N4BP1: variants seen among roughly 807,000 people sequenced by gnomAD.
N4BP1 encodes the protein NEDD4-binding protein 1.
N4BP1 carries 21 observed loss-of-function variants against 70.9 expected under a neutral mutation model. The observed-to-expected ratio is 0.30, with a 90% CI of 0.21 to 0.43. The LOEUF is 0.43. Ranked by LOEUF, N4BP1 falls within the 20% of genes least tolerant of loss-of-function variation. The pLI is 1.00. For missense variants in N4BP1, 936 were observed against 1,069.4 expected, an observed-to-expected ratio of 0.88 and a Z score of 1.74; for synonymous variants, 387 against 394.6, an observed-to-expected ratio of 0.98 and a Z score of 0.23.
chr16:48,589,938 T>TAAC (rs1334536209), intron 1 of N4BP1, among the ~76,000 whole-genome samples: 1 of 152,124 alleles, frequency 6.6e-6, no homozygotes, highest in African/African-American at 2.4e-5. Context: ...ACAAAACTGG[T>TAAC]AACAGCCCTT....
chr16:48,607,775 G>A (rs1035496187), intron 1 of N4BP1, among the ~76,000 whole-genome samples: 1 of 152,238 alleles, frequency 6.6e-6, no homozygotes, highest in Non-Finnish European at 1.5e-5. Flanking sequence ...ATGCGCCTTA[G>A]ACCAGCTGTC....
At chr16:48,596,132 T>C (rs577352046) in intron 1 of N4BP1, among the ~76,000 whole-genome samples, 1 of 152,330 alleles carries the variant, frequency 6.6e-6, no homozygotes, top group South Asian at 2.1e-4. Flanking sequence ...TTAATAAAAA[T>C]AAGGACTAGG....
chr16:48,546,538 A>G (rs978579431), intron 5 of N4BP1: 14 of 278,198 alleles, frequency 5.0e-5, no homozygotes, highest in Non-Finnish European at 7.9e-5. Flanking sequence ...TTCTTCTTCT[A>G]ATATAACTTT....
chr16:48,561,414 T>C lies in N4BP1; in HGVS notation c.1229A>G (p.Lys410Arg). Residue 410 changes from lysine (K) to arginine (R), a missense_variant, in exon 2 of 7, where the codon AAA (lysine) becomes AGA (arginine). Around this residue, in one of 4 missense-constraint regions of N4BP1, gnomAD observed 515 missense variants for 491.7 expected, o/e 1.05. Coordinates refer to ENST00000262384, the MANE Select transcript of N4BP1 (RefSeq NM_153029.4). ...GTVYPETNKT[K>R]NKGVYSSTNE... ...TGTGCTGCTATAAACACCTTTATTTTTGGTTTTGTTGGTCTCTGGATACAC... is the reference window on the plus strand; with the variant it reads ...TGTGCTGCTATAAACACCTTTATTTCTGGTTTTGTTGGTCTCTGGATACAC... 1 of 1,613,968 alleles carries C rather than the reference T, an allele frequency of 6.2e-7. No homozygotes were observed. The highest frequency in any genetic ancestry group is 8.5e-7 in the Non-Finnish European group (1 of 1,179,884).
At chr16:48,608,415 G>C (rs1336749820) in intron 1 of N4BP1, among the ~76,000 whole-genome samples, 3 of 152,174 alleles carry the variant, frequency 2.0e-5, no homozygotes, top group Admixed American at 1.3e-4. Context: ...AACATCAGGA[G>C]ATACGACTAC....
chr16:48,589,816 T>A (rs951974626), intron 1 of N4BP1, among the ~76,000 whole-genome samples: 1 of 152,326 alleles, frequency 6.6e-6, no homozygotes, highest in East Asian at 1.9e-4. Context: ...GTGAAAGAGA[T>A]CAGACCTAAT....
intron 1 of N4BP1, among the ~76,000 whole-genome samples, chr16:48,583,289 G>A (rs981290085): frequency 6.6e-6 from 1 of 152,020 alleles, no homozygotes; most frequent in African/African-American, 2.4e-5. Context: ...GAAAACATGA[G>A]GTTAAGTGAA....
intron 1 of N4BP1, among the ~76,000 whole-genome samples, chr16:48,603,986 T>G (rs754480678): frequency 6.6e-6 from 1 of 152,226 alleles, no homozygotes; most frequent in African/African-American, 2.4e-5. Flanking sequence ...CCAATCCTTG[T>G]GTCCTGGCTT....
At chr16:48,543,365 G>A (rs1023661066) in intron 6 of N4BP1, 104 bp from the exon 7 acceptor site, 4 of 934,362 alleles carry the variant, frequency 4.3e-6, no homozygotes, top group South Asian at 2.2e-5. Flanking sequence ...TCAGGATGCC[G>A]CTCCCTGGCT....
chr16:48,548,838 A>C (rs1208456453), intron 4 of N4BP1, among the ~76,000 whole-genome samples: 2 of 110,904 alleles, frequency 1.8e-5, no homozygotes, highest in Non-Finnish European at 3.6e-5. Flanking sequence ...AGACTGCTTC[A>C]AAAAAAAAAA....
At chr16:48,598,930 T>A (rs1379077834) in intron 1 of N4BP1, among the ~76,000 whole-genome samples, 1 of 152,084 alleles carries the variant, frequency 6.6e-6, no homozygotes, top group Non-Finnish European at 1.5e-5. Flanking sequence ...GGAATGGTAA[T>A]AAACACACTT....
intron 1 of N4BP1, among the ~76,000 whole-genome samples, chr16:48,567,887 C>G (rs1963965541): frequency 6.6e-6 from 1 of 152,036 alleles, no homozygotes; most frequent in Non-Finnish European, 1.5e-5. Flanking sequence ...TAGGTGTAGA[C>G]TGCTTGACCC....
chr16:48,555,135 G>A (rs571390849), intron 2 of N4BP1, among the ~76,000 whole-genome samples: 3 of 152,262 alleles, frequency 2.0e-5, no homozygotes, highest in South Asian at 4.1e-4. Flanking sequence ...ATTCTGGCCC[G>A]TCTTCTTCTA....
chr16:48,600,226 T>C (rs1477625154), intron 1 of N4BP1: 2 of 785,732 alleles, frequency 2.5e-6, no homozygotes, highest in Non-Finnish European at 4.4e-6. Context: ...ATGATGTTCA[T>C]CCGCAACGAC....
chr16:48,598,875 T>C (rs187029595), intron 1 of N4BP1, among the ~76,000 whole-genome samples: 22 of 152,006 alleles, frequency 1.4e-4, no homozygotes, highest in Non-Finnish European at 2.6e-4. Context: ...GGCTACTAGA[T>C]TGGGAGAATA....
rs764697607 is a variant in N4BP1, at chr16:48,560,971, A to G, written c.1672T>C (p.Cys558Arg). 3.7e-6 allele frequency: 6 copies of G among 1,614,018 alleles called. No individual in the cohort carries two copies. Among genetic ancestry groups the G allele is most frequent in the Admixed American group, 1.7e-5 (1 of 60,026 alleles). ...CCSSPHSKPN[C>R]STLSPPMPLP... ...GGCATTGGTGGAGAAAGGGTTGAGC[A>G]ATTTGGCTTAGAATGAGGAGAACTA... The change falls in exon 2 of 7, where the codon TGC (cysteine) becomes CGC (arginine). Residue 558 changes from cysteine to arginine, a missense_variant. Physicochemically the swap from Cys to Arg is radical, Grantham distance 180 (BLOSUM62 -3). This residue lies in a region of N4BP1 where 515 missense variants were observed against 491.7 expected (regional missense o/e 1.05). Transcript: ENST00000262384.
chr16:48,590,229 C>A (rs914625022), intron 1 of N4BP1, among the ~76,000 whole-genome samples: 4 of 152,118 alleles, frequency 2.6e-5, no homozygotes, highest in Non-Finnish European at 5.9e-5. Context: ...CAGAAGACAG[C>A]AAGAAAACCT....
chr16:48,560,111 A>AC (rs1555497732), intron 2 of N4BP1, among the ~76,000 whole-genome samples: 1 of 151,684 alleles, frequency 6.6e-6, no homozygotes, highest in Non-Finnish European at 1.5e-5. Context: ...TAGAAAAAAA[A>AC]CCCAAGCGTA....
chr16:48,594,001 C>CAA (rs750355255), intron 1 of N4BP1, among the ~76,000 whole-genome samples: 1,036 of 42,144 alleles, frequency 0.025, 148 homozygotes, highest in African/African-American at 0.071. Flanking sequence ...GACTCCGTCT[C>CAA]AAAAAAAAAA....
Sources: allele counts gnomAD v4.1 joint callset (sites outside exome capture counted in the v4.1 genomes callset), GRCh38; gene constraint gnomAD v4.1.1; regional missense constraint gnomAD v4.1.1; transcripts MANE v1.5; gene names NCBI Gene and HGNC (gene_info 2026-07-23, HGNC 2026-07-21).